Variants in DACH2 observed in about 807,000 individuals in gnomAD.
The protein encoded by DACH2 is dachshund family transcription factor 2, also known as dachshund homolog 2.
DACH2 carries 17 observed loss-of-function variants against 35.8 expected under a neutral mutation model. The ratio of observed to expected loss-of-function variants is 0.48; its 90% CI spans 0.33 to 0.71. DACH2 has a LOEUF of 0.71. Ranked by LOEUF, DACH2 falls within the 30% of genes least tolerant of loss-of-function variation. The probability of loss-of-function intolerance (pLI) is 0.02; values close to 1 mark genes in which losing one functional copy is unlikely to be tolerated. For missense variants in DACH2, 469 were observed against 472.7 expected (o/e 0.99, Z 0.07); for synonymous variants, 195 against 177.3 (o/e 1.10, Z -0.79).
intron 3 of DACH2, among the ~76,000 whole-genome samples, chrX:86,539,247 C>T (rs2038847262): frequency 9.0e-6 from 1 of 111,254 alleles, no homozygotes; most frequent in Admixed American, 9.6e-5. Flanking sequence ...CTCTCTCCTG[C>T]CACCTTGTGA....
intron 2 of DACH2, among the ~76,000 whole-genome samples, chrX:86,377,621 C>T (rs1294637994): frequency 9.1e-6 from 1 of 110,204 alleles, no homozygotes; most frequent in African/African-American, 3.3e-5. Flanking sequence ...GTCAGTAGTG[C>T]CCCTCTTCTC....
chrX:86,289,709 A>G (rs1427322147), intron 1 of DACH2, among the ~76,000 whole-genome samples: 1 of 107,795 alleles, frequency 9.3e-6, no homozygotes, highest in East Asian at 3.0e-4. Flanking sequence ...ACTGAGAATG[A>G]TGATTTCCAA....
At chrX:86,399,130 A>C (rs1368379262) in intron 2 of DACH2, among the ~76,000 whole-genome samples, 1 of 112,015 alleles carries the variant, frequency 8.9e-6, no homozygotes, top group Non-Finnish European at 1.9e-5. Context: ...CTGTACCATT[A>C]TGTAATGCCC....
chrX:86,754,218 C>T (rs1241547878), intron 7 of DACH2, among the ~76,000 whole-genome samples: 2 of 109,950 alleles, frequency 1.8e-5, no homozygotes, highest in Non-Finnish European at 3.8e-5. Context: ...ATGAGTTAAT[C>T]AACAGAATAA....
chrX:86,625,934 A>G (rs1414175391), intron 3 of DACH2, among the ~76,000 whole-genome samples: 1 of 111,198 alleles, frequency 9.0e-6, no homozygotes, highest in Non-Finnish European at 1.9e-5. Context: ...AAACCATATT[A>G]TTCCACCCCT....
chrX:86,411,811 T>C (rs1244681510), intron 2 of DACH2, among the ~76,000 whole-genome samples: 1 of 111,544 alleles, frequency 9.0e-6, no homozygotes, highest in Non-Finnish European at 1.9e-5. Flanking sequence ...CTTCTTCTAC[T>C]ACCCATCCTA....
At chrX:86,209,184 G>T (rs2032386729) in intron 1 of DACH2, among the ~76,000 whole-genome samples, 1 of 111,506 alleles carries the variant, frequency 9.0e-6, no homozygotes, top group Non-Finnish European at 1.9e-5. Flanking sequence ...TGTGGCACTT[G>T]TTTATAAAGG....
intron 7 of DACH2, among the ~76,000 whole-genome samples, chrX:86,800,147 CTAAT>C (rs1215760515): frequency 8.9e-6 from 1 of 112,129 alleles, no homozygotes; most frequent in Non-Finnish European, 1.9e-5. Flanking sequence ...TTAAAGATTT[CTAAT>C]TAATTGAAAA....
rs182222772 is a variant in DACH2, at chrX:86,574,151, T to C, written c.640+59760T>C. Among the ~76,000 whole-genome samples the C allele has an allele frequency of 3.6e-5, 4 of 110,995 alleles. No homozygotes were observed. The East Asian group carries it at 8.5e-4, about 24-fold the overall frequency. ...ATGGAATTGAAGTTACCCCAAAGAG[T>C]AGAGTAAAACTACTCCTCAAATTGG... On this transcript the variant is annotated intron_variant, in intron 3 of 11. Transcript: ENST00000373125.
At chrX:86,667,592 GAAAGAAAGAA>G (rs1316631738) in intron 4 of DACH2, among the ~76,000 whole-genome samples, 12 of 104,200 alleles carry the variant, frequency 1.2e-4, no homozygotes, top group African/African-American at 4.1e-4. Context: ...AAGAAAGAAA[GAAAGAAAGAA>G]AGAAAGAAAG....
At chrX:86,430,515 C>T (rs1331377641) in intron 2 of DACH2, among the ~76,000 whole-genome samples, 6 of 112,336 alleles carry the variant, frequency 5.3e-5, no homozygotes, top group South Asian at 7.3e-4. Context: ...TGTCTTTCTA[C>T]GTGACAATGC....
At chrX:86,435,018 A>G (rs913793400) in intron 2 of DACH2, among the ~76,000 whole-genome samples, 1 of 111,377 alleles carries the variant, frequency 9.0e-6, no homozygotes, top group Non-Finnish European at 1.9e-5. Flanking sequence ...CTTACAAGCC[A>G]TGAGGGATCT....
rs192216507 is a variant in DACH2, at chrX:86,550,189, A to G, written c.640+35798A>G. The stretch of plus-strand genomic sequence containing the variant: ...ATCATAATGAAAGATGCATTTTGAT[A>G]TTTTTGAACTTGAGGTGAAGCATAT... On this transcript the variant is annotated intron_variant, in intron 3 of 11. Transcript: ENST00000373125. Among the ~76,000 whole-genome samples, 372 of 111,711 alleles carry G rather than the reference A, an allele frequency of 3.3e-3. 1 individual carries two copies. Among genetic ancestry groups the G allele is most frequent in the Non-Finnish European group, 4.4e-3 (235 of 52,993 alleles).
chrX:86,584,263 T>C (rs1182748887), intron 3 of DACH2, among the ~76,000 whole-genome samples: 1 of 111,202 alleles, frequency 9.0e-6, no homozygotes, highest in Admixed American at 9.6e-5. Context: ...TTTTCCAATT[T>C]ATGGGCACAG....
intron 2 of DACH2, among the ~76,000 whole-genome samples, chrX:86,454,542 A>C (rs1024478190): frequency 1.8e-5 from 2 of 111,606 alleles, no homozygotes; most frequent in South Asian, 7.6e-4. Context: ...AAGTTCTGAG[A>C]TTCTTTCCTC....
At chrX:86,214,734 C>G (rs376533844) in intron 1 of DACH2, among the ~76,000 whole-genome samples, 1 of 111,498 alleles carries the variant, frequency 9.0e-6, no homozygotes, top group Non-Finnish European at 1.9e-5. Context: ...AATTTAGCAT[C>G]TTTTATAGCT....
intron 5 of DACH2, among the ~76,000 whole-genome samples, chrX:86,699,024 C>T (rs1375546590): frequency 9.0e-6 from 1 of 110,793 alleles, no homozygotes; most frequent in East Asian, 2.9e-4. Context: ...TATTACATTC[C>T]TAAATATACC....
intron 2 of DACH2, among the ~76,000 whole-genome samples, chrX:86,466,099 G>A (rs1463018143): frequency 9.0e-6 from 1 of 111,673 alleles, no homozygotes; most frequent in Non-Finnish European, 1.9e-5. Flanking sequence ...GTTTAACATG[G>A]CTGGGGAAGC....
At chrX:86,275,072 G>A (rs1199291586) in intron 1 of DACH2, among the ~76,000 whole-genome samples, 1 of 111,695 alleles carries the variant, frequency 9.0e-6, no homozygotes, top group African/African-American at 3.3e-5. Context: ...TAGAGAATAT[G>A]ATCCCTGCAA....
Sources: gnomAD v4.1 joint callset for allele counts (sites outside exome capture counted in the v4.1 genomes callset) on GRCh38, gnomAD v4.1.1 for gene constraint, MANE v1.5 for transcripts, NCBI Gene and HGNC (gene_info 2026-07-23, HGNC 2026-07-21) for gene names.